The following PSG5 variants were observed in gnomAD, a reference collection of about 807,000 sequenced individuals.
The protein encoded by PSG5 is pregnancy-specific beta-1-glycoprotein 5.
In PSG5, 53 loss-of-function variants were observed where a neutral mutation model predicts 37.7. The ratio of observed to expected loss-of-function variants is 1.41; its 90% CI spans 1.13 to 1.77. The LOEUF is 1.77. Ranked by LOEUF, PSG5 falls within the 40% of genes most tolerant of loss-of-function variation. The pLI is 0.00. For synonymous variants in PSG5, 221 were observed against 155.4 expected (o/e 1.42, Z -3.14); for missense variants, 547 against 405.2 (o/e 1.35, Z -3.00).
intron 2 of PSG5, among the ~76,000 whole-genome samples, chr19:43,183,660 G>A (rs945046350): frequency 6.6e-6 from 1 of 151,420 alleles, no homozygotes; most frequent in Non-Finnish European, 1.5e-5. Context: ...AGACTAATCA[G>A]CTGACCATTT....
At position 43,178,622 on chromosome 19, in the gene PSG5, G is replaced by A. The variant is rs183382943; in HGVS notation, c.431-2474C>T. Among the ~76,000 whole-genome samples the A allele has an allele frequency of 2.1e-3, 317 of 151,670 alleles. 3 individuals carry two copies. The highest frequency in any genetic ancestry group is 3.2e-3 in the Non-Finnish European group (217 of 67,906). On this transcript the variant is annotated intron_variant, in intron 2 of 5. Transcript: ENST00000342951. ...TCCCCGCTGTGTTCACTGATCTGGA[G>A]CCTGAGACATTCACCTGTTTCTCCC...
rs998499224 is a variant in PSG5 at position 43,181,732 on chromosome 19, C to T, written c.430+3050G>A. ...CCTCCCAAAGTCCTGGGATTATAGG[C>T]ATGAGCCACTGTGCCCAGCCATCTC... On this transcript the variant is annotated intron_variant, in intron 2 of 5. Transcript: ENST00000342951. Among the ~76,000 whole-genome samples, 15 of 151,792 alleles carry T rather than the reference C, an allele frequency of 9.9e-5. 1 individual carries two copies. The highest frequency in any genetic ancestry group is 1.3e-4 in the Non-Finnish European group (9 of 67,936).
intron 2 of PSG5, among the ~76,000 whole-genome samples, chr19:43,183,820 C>T (rs950780308): frequency 6.6e-6 from 1 of 151,470 alleles, no homozygotes; most frequent in African/African-American, 2.4e-5. Flanking sequence ...CCTGATCTCC[C>T]CCTTTGGGTT....
intron 4 of PSG5, chr19:43,170,339 A>G: frequency 1.5e-6 from 1 of 647,364 alleles, no homozygotes; most frequent in Admixed American, 3.5e-5. Flanking sequence ...GATGGTGATC[A>G]GTCCTCTGTC....
At chr19:43,175,066 C>T in intron 4 of PSG5, 149 bp downstream of exon 4, 2 of 1,561,898 alleles carry the variant, frequency 1.3e-6, no homozygotes, top group Non-Finnish European at 1.7e-6. Context: ...TTTGTAGAGA[C>T]AAATTGGAAG....
intron 4 of PSG5, chr19:43,171,247 A>G (rs1354506622): frequency 1.3e-5 from 2 of 151,720 alleles, no homozygotes; most frequent in Non-Finnish European, 2.9e-5. Context: ...GTAGTAATAT[A>G]GCAGCTGACA....
intron 2 of PSG5, among the ~76,000 whole-genome samples, chr19:43,177,736 A>G (rs1278409664): frequency 6.6e-6 from 1 of 151,542 alleles, no homozygotes; most frequent in Non-Finnish European, 1.5e-5. Flanking sequence ...TTTAAGACAG[A>G]GTTTTCTAAT....
At position 43,175,241 on chromosome 19, in the gene PSG5, G is replaced by C. The variant is rs757006964; in HGVS notation, c.938C>G (p.Ser313Cys). The change falls in exon 4 of 6, where the codon TCC becomes TGC. Residue 313 changes from serine (S) to cysteine (C), a missense_variant. Ser to Cys is a moderately radical substitution (Grantham distance 112). Transcript: ENST00000342951. Reference protein sequence around the residue: ...VRNSATGKESSKSMTVEVSAP... With the variant: ...VRNSATGKESCKSMTVEVSAP... ...AGAGACTTCGACTGTCATGGATTTG[G>C]AGCTTTCCTTGCCAGTAGCTGAGTT... 1.2e-6 allele frequency: 2 copies of C among 1,612,700 alleles called. No individual in the cohort carries two copies. Among genetic ancestry groups the C allele is most frequent in the East Asian group, 4.5e-5 (2 of 44,870 alleles).
rs1369209430 is a variant in PSG5 at position 43,186,532 on chromosome 19, T to C, written c.-127A>G. 2.5e-5 allele frequency: 37 copies of C among 1,451,970 alleles called. No homozygotes were observed. The highest frequency in any genetic ancestry group is 3.2e-5 in the Non-Finnish European group (35 of 1,081,670). The allele number at this position is 1,451,970 out of a possible 1,614,324, so 89.9% of individuals were successfully genotyped here. On this transcript the variant is annotated 5_prime_UTR_variant, in exon 1 of 6. Transcript: ENST00000342951. Reference sequence around the variant, plus strand: ...GAGCCTCTCTCCAGGGCAGGAGCACTTCTCAGGCTCATGGGTGGGGTCAGG... The same window carrying C: ...GAGCCTCTCTCCAGGGCAGGAGCACCTCTCAGGCTCATGGGTGGGGTCAGG...
intron 4 of PSG5, 83 bp from the exon 5 acceptor site, chr19:43,170,221 A>G (rs1968876032): frequency 7.5e-6 from 9 of 1,194,394 alleles, no homozygotes; most frequent in Non-Finnish European, 9.7e-6. Flanking sequence ...ATGTAGCATG[A>G]GGTACTCTAT....
chr19:43,183,284 G>A (rs187180000), intron 2 of PSG5: 3 of 364,768 alleles, frequency 8.2e-6, no homozygotes. Context: ...GGTAGTGGGG[G>A]GATGAAACAT....
Position 43,175,438 on chromosome 19 carries a change from T to G in PSG5, c.741A>C (p.Ser247=). ...YGPDLPSIYP[S]FTYYRSGENL... ...TTTCTCCTGAACGGTAATAGGTGAA[T>G]GAAGGGTAAATGCTGGGGAGGTCTG... Residue 247 remains serine, a synonymous_variant, in exon 4 of 6, where the codon TCA becomes TCC. Coordinates refer to ENST00000342951, the MANE Select transcript of PSG5 (RefSeq NM_002781.4). The G allele has an allele frequency of 1.2e-6, 2 of 1,612,110 alleles. No individual in the cohort carries two copies. The highest frequency in any genetic ancestry group is 8.5e-7 in the Non-Finnish European group (1 of 1,178,914).
chr19:43,174,601 C>G (rs934184649), intron 4 of PSG5: 1 of 970,626 alleles, frequency 1.0e-6, no homozygotes, highest in East Asian at 1.1e-4. Flanking sequence ...CAGCCTGGCC[C>G]GGGGGAGGCT....
intron 1 of PSG5, 130 bp from the exon 2 acceptor site, chr19:43,185,277 C>T (rs1966908997): frequency 7.9e-6 from 10 of 1,271,232 alleles, no homozygotes; most frequent in Non-Finnish European, 1.1e-5. Context: ...AACACACACA[C>T]ACACAAAAGG....
chr19:43,173,731 T>G (rs1463320953), intron 4 of PSG5, among the ~76,000 whole-genome samples: 1 of 151,538 alleles, frequency 6.6e-6, no homozygotes, highest in Non-Finnish European at 1.5e-5. Context: ...TGTTTTCAAG[T>G]AGATGGAAAA....
rs1966891774 is a variant in PSG5 at position 43,184,809 on chromosome 19, T to G, written c.403A>C (p.Thr135Pro). ...TATAAGTTGAAGGTGAAATATCCAG[T>G]TACTCCTCTAGTCCTATCACCTCGC... The part of the protein sequence containing the change: ...IKRGDRTRGV[T>P]GYFTFNLYLK... Residue 135 changes from threonine to proline, a missense_variant, in exon 2 of 6, where the codon ACT (threonine) becomes CCT (proline). Coordinates refer to ENST00000342951, the MANE Select transcript of PSG5 (RefSeq NM_002781.4). 1 of 1,612,356 alleles carries G rather than the reference T, an allele frequency of 6.2e-7. No homozygotes were observed. Among genetic ancestry groups the G allele is most frequent in the African/African-American group, 1.3e-5 (1 of 74,600 alleles).
At chr19:43,182,783 C>T in intron 2 of PSG5, among the ~76,000 whole-genome samples, 1 of 143,886 alleles carries the variant, frequency 6.9e-6, no homozygotes, top group Non-Finnish European at 1.5e-5. Context: ...ACTGCCTATC[C>T]CTGTCCCATT....
chr19:43,173,415 G>A (rs1385230928), intron 4 of PSG5, among the ~76,000 whole-genome samples: 1 of 151,390 alleles, frequency 6.6e-6, no homozygotes, highest in African/African-American at 2.4e-5. Flanking sequence ...AAGTAAAAAG[G>A]CAACCTATGA....
intron 2 of PSG5, among the ~76,000 whole-genome samples, chr19:43,179,744 G>C (rs28414334): frequency 6.6e-6 from 1 of 151,626 alleles, no homozygotes; most frequent in Non-Finnish European, 1.5e-5. Flanking sequence ...ACAAGGTGGC[G>C]CAGTTTTCCC....
Sources: allele counts gnomAD v4.1 joint callset (sites outside exome capture counted in the v4.1 genomes callset), GRCh38; gene constraint gnomAD v4.1.1; transcripts MANE v1.5; gene names NCBI Gene and HGNC (gene_info 2026-07-23, HGNC 2026-07-21).